PRDM2: variants seen among roughly 807,000 people sequenced by gnomAD.
The protein encoded by PRDM2 is PR/SET domain 2, also known as PR domain zinc finger protein 2.
A neutral mutation model predicts 130.0 loss-of-function variants in PRDM2; 30 were observed. The ratio of observed to expected loss-of-function variants is 0.23; its 90% CI spans 0.17 to 0.31. PRDM2 has a LOEUF of 0.31. Ranked by LOEUF, PRDM2 falls within the 10% of genes least tolerant of loss-of-function variation. The probability of loss-of-function intolerance (pLI) is 1.00; values close to 1 mark genes in which losing one functional copy is unlikely to be tolerated. For synonymous variants in PRDM2, 871 were observed against 782.4 expected, an observed-to-expected ratio of 1.11 and a Z score of -1.89; for missense variants, 2,011 against 2,108.4, an observed-to-expected ratio of 0.95 and a Z score of 0.90.
In PRDM2 at chr1:13,768,383, T is replaced by C. The variant is rs535364544; in HGVS notation, c.512-4695T>C. 4.5e-3 allele frequency among the ~76,000 whole-genome samples: 633 copies of C among 140,960 alleles called. 4 individuals carry two copies. Among genetic ancestry groups the C allele is most frequent in the South Asian group, 7.5e-3 (33 of 4,382 alleles). The allele number at this position is 140,960 out of a possible 152,430, so 92.5% of individuals were successfully genotyped here. ...CAGGCGTGAGCCACCGCGCCCGGCC[T>C]TCTTTTTTTTTTTAAGATGGAGTTT... On this transcript the variant is annotated intron_variant, in intron 6 of 9. Transcript: ENST00000311066.
chr1:13,747,518 G>T (rs1569846746), intron 5 of PRDM2, among the ~76,000 whole-genome samples: 1 of 152,178 alleles, frequency 6.6e-6, no homozygotes, highest in East Asian at 1.9e-4. Flanking sequence ...GGGAAATCAT[G>T]TATTGGTTCA....
At chr1:13,725,649 CATAAG>C (rs1329337269) in intron 2 of PRDM2, among the ~76,000 whole-genome samples, 1 of 152,178 alleles carries the variant, frequency 6.6e-6, no homozygotes, top group Non-Finnish European at 1.5e-5. Context: ...AAATTTAAAA[CATAAG>C]ATTAAACAAT....
In PRDM2 at chr1:13,797,330, G is replaced by A. The variant is rs143718520; in HGVS notation, c.5036+14499G>A. Among the ~76,000 whole-genome samples, 733 of 152,234 alleles carry A rather than the reference G, an allele frequency of 4.8e-3. 15 individuals carry two copies. In the East Asian group the frequency reaches 0.065, roughly 14 times the overall value. ...TTAGGCTCCTGTGATTTAATTTTAC[G>A]AGTGAGTTTAGTGAAAACAAATCTG... is the stretch of plus-strand genomic sequence containing the variant. On this transcript the variant is annotated intron_variant, in intron 8 of 9. Transcript: ENST00000311066.
intron 2 of PRDM2, among the ~76,000 whole-genome samples, chr1:13,729,758 T>C (rs188405014): frequency 2.6e-5 from 4 of 152,246 alleles, no homozygotes; most frequent in Admixed American, 2.6e-4. Flanking sequence ...GTGTCTGAAA[T>C]GGAGGCTCAG....
intron 3 of PRDM2, among the ~76,000 whole-genome samples, chr1:13,732,136 G>A (rs1413366895): frequency 2.0e-5 from 3 of 152,140 alleles, no homozygotes; most frequent in South Asian, 2.1e-4. Context: ...TCATTATATC[G>A]CTTTCCGTTA....
chr1:13,728,697 G>A (rs867498060), intron 2 of PRDM2, among the ~76,000 whole-genome samples: 136 of 152,232 alleles, frequency 8.9e-4, no homozygotes, highest in African/African-American at 3.1e-3. Context: ...TGGAATAAAG[G>A]AGTAATTTAA....
At position 13,782,770 on chromosome 1, in the gene PRDM2, G is replaced by A. The variant is rs773178852; in HGVS notation, c.4975G>A (p.Ala1659Thr). ...VTRSLQLAAAADLSENKREDG... is the reference protein window; with the variant it reads ...VTRSLQLAAATDLSENKREDG... ...CCGGAGCCTTCAGCTGGCAGCTGCTGCTGACTTGAGTGAGAACAAGAGAGA... is the reference window on the plus strand; with the variant it reads ...CCGGAGCCTTCAGCTGGCAGCTGCTACTGACTTGAGTGAGAACAAGAGAGA... Residue 1659 changes from alanine (A) to threonine (T), a missense_variant, in exon 8 of 10, where the codon GCT (alanine) becomes ACT (threonine). Ala to Thr is a moderately conservative substitution (Grantham distance 58). Coordinates refer to ENST00000311066, the MANE Select transcript of PRDM2 (RefSeq NM_001393986.1). 5 of 1,611,736 alleles carry A rather than the reference G, an allele frequency of 3.1e-6. No homozygotes were observed. Among genetic ancestry groups the A allele is most frequent in the Admixed American group, 1.7e-5 (1 of 59,472 alleles).
At position 13,780,148 on chromosome 1, in the gene PRDM2, A is replaced by C. The variant is rs1249636966; in HGVS notation, c.2353A>C (p.Ser785Arg). The C allele has an allele frequency of 6.2e-7, 1 of 1,607,856 alleles. No homozygotes were observed. Among genetic ancestry groups the C allele is most frequent in the East Asian group, 2.2e-5 (1 of 44,798 alleles). The change falls in exon 8 of 10, where the codon AGT becomes CGT. Residue 785 changes from serine (S) to arginine (R), a missense_variant. Around this residue, in one of 5 missense-constraint regions of PRDM2, gnomAD observed 1,288 missense variants for 1,237.7 expected, o/e 1.04. Coordinates refer to ENST00000311066, the MANE Select transcript of PRDM2 (RefSeq NM_001393986.1). ...AAGTCACAGCGACTCACCAGCATGG[A>C]GTTTGTCTGGGAGAGATGAGAGAGA... ...LESHSDSPAW[S>R]LSGRDERETV...
rs555244773 is a variant in PRDM2 at position 13,718,639 on chromosome 1, C to T, written c.9+3025C>T. Among the ~76,000 whole-genome samples the T allele has an allele frequency of 5.9e-5, 9 of 152,242 alleles. No homozygotes were observed. In the South Asian group the frequency reaches 1.9e-3, roughly 32 times the overall value. ...AAAACTCACCCCTTTCTTAATATCT[C>T]TTAACCTCTCAATTAGAGCCCAGCT... On this transcript the variant is annotated intron_variant, in intron 2 of 9. Transcript: ENST00000311066.
In PRDM2 at chr1:13,803,611, G is replaced by A. The variant is rs144733799; in HGVS notation, c.5037-12816G>A. ...CTTGCTCGCTCTCCTCGGTTTCCTC[G>A]TCTGTAAGGGAAGGGCTGATCCCTG... On this transcript the variant is annotated intron_variant, in intron 8 of 9. Coordinates refer to ENST00000311066, the MANE Select transcript of PRDM2 (RefSeq NM_001393986.1). This position sits in a 1 kb window ranked among gnomAD's most constrained non-coding sequence, Gnocchi z 6.2. Among the ~76,000 whole-genome samples the A allele has an allele frequency of 2.2e-4, 34 of 152,240 alleles. No homozygotes were observed. In the East Asian group the frequency reaches 5.2e-3, roughly 23 times the overall value.
rs1177152133 is a variant in PRDM2 at position 13,780,504 on chromosome 1, A to G, written c.2709A>G (p.Val903=). ...AATATAATGGCATCGATTTACCTGT[A>G]GAAAACCCTGCAGATGGGACCAGGA... ...LNEYNGIDLP[V]ENPADGTRSP... Residue 903 remains valine, a synonymous_variant, in exon 8 of 10, where the codon GTA becomes GTG. Coordinates refer to ENST00000311066, the MANE Select transcript of PRDM2 (RefSeq NM_001393986.1). 6.2e-7 allele frequency: 1 copy of G among 1,614,212 alleles called. No homozygotes were observed.
intron 8 of PRDM2, among the ~76,000 whole-genome samples, chr1:13,809,593 C>A (rs1285502707): frequency 1.3e-5 from 2 of 152,054 alleles, no homozygotes; most frequent in South Asian, 2.1e-4. Context: ...AGAGATGTCA[C>A]GTCAGTGCGT....
At chr1:13,763,452 C>T (rs1329307930) in intron 6 of PRDM2, among the ~76,000 whole-genome samples, 1 of 152,104 alleles carries the variant, frequency 6.6e-6, no homozygotes, top group East Asian at 1.9e-4. Context: ...GTCTTTATAA[C>T]TGTGTGTCCA....
chr1:13,729,317 G>C (rs1051391141), intron 2 of PRDM2, among the ~76,000 whole-genome samples: 1 of 152,144 alleles, frequency 6.6e-6, no homozygotes, highest in African/African-American at 2.4e-5. Context: ...GAGGATAAAT[G>C]GTGCTGAGTG....
At chr1:13,732,660 A>G (rs2100476760) in intron 3 of PRDM2, 119 bp from the exon 4 acceptor site, 1 of 656,828 alleles carries the variant, frequency 1.5e-6, no homozygotes, top group South Asian at 2.5e-5. Flanking sequence ...CTATTTTAAC[A>G]TTAGCTTGAT....
intron 2 of PRDM2, among the ~76,000 whole-genome samples, chr1:13,719,422 ATAGGGCCTT>A (rs1001986157): frequency 6.6e-6 from 1 of 152,166 alleles, no homozygotes; most frequent in African/African-American, 2.4e-5. Context: ...GGCAAGTTTT[ATAGGGCCTT>A]TAGGGCTACG....
intron 2 of PRDM2, among the ~76,000 whole-genome samples, chr1:13,727,080 T>G (rs1642942410): frequency 6.6e-6 from 1 of 152,172 alleles, no homozygotes; most frequent in African/African-American, 2.4e-5. Flanking sequence ...TTCTCCTACC[T>G]TCTCTGCTCT....
chr1:13,718,030 G>A (rs1272090136), intron 2 of PRDM2, among the ~76,000 whole-genome samples: 2 of 152,168 alleles, frequency 1.3e-5, no homozygotes, highest in East Asian at 3.9e-4. Context: ...TCATTCTTCA[G>A]GGTTAAGACT....
chr1:13,742,191 C>T lies in PRDM2; in HGVS notation c.384+34C>T, dbSNP rs146097550. 6.9e-3 allele frequency: 10,983 copies of T among 1,592,238 alleles called. 54 individuals are homozygous for T. Among genetic ancestry groups the T allele is most frequent in the African/African-American group, 0.011 (835 of 74,332 alleles). The stretch of plus-strand genomic sequence containing the variant: ...ATTAGAATTAATTTACTGTTAGTTA[C>T]GCTGCTTGTGTTTTCCTTTTTCTTT... On this transcript the variant is annotated intron_variant, in intron 5 of 9. Coordinates refer to ENST00000311066, the MANE Select transcript of PRDM2 (RefSeq NM_001393986.1).
Sources: gnomAD v4.1 joint callset for allele counts (sites outside exome capture counted in the v4.1 genomes callset) on GRCh38, gnomAD v4.1.1 for gene constraint, gnomAD v4.1.1 regional missense constraint, Gnocchi (gnomAD v3.1) non-coding constraint, MANE v1.5 for transcripts, NCBI Gene and HGNC (gene_info 2026-07-23, HGNC 2026-07-21) for gene names.